The following KLF12 variants were observed in gnomAD, a reference collection of about 807,000 sequenced individuals.
The protein encoded by KLF12 is Krueppel-like factor 12.
Under a neutral mutation model 37.8 loss-of-function variants are expected in KLF12, and 9 were observed. That is an observed-to-expected ratio of 0.24 (90% CI 0.14 to 0.42). The LOEUF is 0.42. Ranked by LOEUF, KLF12 falls within the 10% of genes least tolerant of loss-of-function variation. KLF12 has a pLI of 1.00. For missense variants in KLF12, 411 were observed against 516.0 expected, an observed-to-expected ratio of 0.80 and a Z score of 1.97; for synonymous variants, 208 against 202.1, an observed-to-expected ratio of 1.03 and a Z score of -0.25.
the KLF12 span, among the ~76,000 whole-genome samples, chr13:74,272,064 A>AT: frequency 6.6e-6 from 1 of 152,072 alleles, no homozygotes. Context: ...TTATTTATTT[A>AT]TTTTTTGCTG....
At chr13:73,836,788 C>G (rs927768210) in intron 4 of KLF12, among the ~76,000 whole-genome samples, 1 of 152,016 alleles carries the variant, frequency 6.6e-6, no homozygotes. Context: ...TCAGAGAAAA[C>G]TTTTCAGGTT....
chr13:73,746,450 C>T (rs935079678), intron 6 of KLF12, among the ~76,000 whole-genome samples: 4 of 152,286 alleles, frequency 2.6e-5, no homozygotes, highest in Non-Finnish European at 4.4e-5. Context: ...CTTGAATTCT[C>T]TTCCAAAGAC....
the KLF12 span, among the ~76,000 whole-genome samples, chr13:74,260,284 A>C: frequency 6.6e-6 from 1 of 152,178 alleles, no homozygotes; most frequent in Admixed American, 6.5e-5. Context: ...GGCAGGATAC[A>C]ATGGCTTATA....
At chr13:73,858,472 A>G (rs1419284153) in intron 3 of KLF12, among the ~76,000 whole-genome samples, 3 of 152,196 alleles carry the variant, frequency 2.0e-5, no homozygotes, top group African/African-American at 7.2e-5. Context: ...GGAATCCCAA[A>G]CTGCTGCATT....
At chr13:73,804,431 C>CT (rs926290777) in intron 5 of KLF12, among the ~76,000 whole-genome samples, 48 of 148,554 alleles carry the variant, frequency 3.2e-4, no homozygotes, top group African/African-American at 6.7e-4. Flanking sequence ...CTTCATTATA[C>CT]TTTTTTTTTT....
chr13:74,265,008 C>A, the KLF12 span, among the ~76,000 whole-genome samples: 1 of 152,124 alleles, frequency 6.6e-6, no homozygotes, highest in Middle Eastern at 3.4e-3. Flanking sequence ...AAATTATTTA[C>A]AATAGTACCT....
intron 1 of KLF12, among the ~76,000 whole-genome samples, chr13:74,114,687 C>T (rs182533232): frequency 5.3e-5 from 8 of 152,226 alleles, no homozygotes; most frequent in Non-Finnish European, 7.4e-5. Context: ...AAGTTGTCAA[C>T]GTGGGTTCCA....
intron 1 of KLF12, among the ~76,000 whole-genome samples, chr13:74,062,704 T>C (rs1873672262): frequency 6.6e-6 from 1 of 152,236 alleles, no homozygotes; most frequent in Non-Finnish European, 1.5e-5. Context: ...TTTGTTTTGC[T>C]TGTAATCTCT....
chr13:74,262,233 T>C, the KLF12 span, among the ~76,000 whole-genome samples: 2 of 152,232 alleles, frequency 1.3e-5, no homozygotes, highest in Non-Finnish European at 2.9e-5. Context: ...ATTAGAAGTG[T>C]TGTTGATCTT....
At chr13:74,304,014 T>C in the KLF12 span, among the ~76,000 whole-genome samples, 2 of 151,962 alleles carry the variant, frequency 1.3e-5, no homozygotes, top group Non-Finnish European at 2.9e-5. Flanking sequence ...CCAAGCAGAT[T>C]CCTCCTAGGC....
rs537068682 is a variant in KLF12, at chr13:74,117,524, A to G, written c.-32+16215T>C. On this transcript the variant is annotated intron_variant, in intron 1 of 7. Transcript: ENST00000377669. ...TAATCTATAGAATTCTAAACATGAT[A>G]TGTAGTTATTCCTTAAGAGTAGGCA... Among the ~76,000 whole-genome samples, 8 of 152,322 alleles carry G rather than the reference A, an allele frequency of 5.3e-5. No individual in the cohort carries two copies. The East Asian group carries it at 1.5e-3, about 29-fold the overall frequency.
intron 1 of KLF12, among the ~76,000 whole-genome samples, chr13:74,030,056 A>T (rs1893075289): frequency 6.6e-6 from 1 of 152,150 alleles, no homozygotes; most frequent in South Asian, 2.1e-4. Flanking sequence ...ACATTAAAAA[A>T]TTTTTAAGTG....
intron 1 of KLF12, among the ~76,000 whole-genome samples, chr13:74,097,174 T>C (rs1237359864): frequency 1.3e-5 from 2 of 152,188 alleles, no homozygotes; most frequent in Non-Finnish European, 2.9e-5. Context: ...CGTTTAAAGA[T>C]AACAAAACAG....
In KLF12 at chr13:74,128,792, T is replaced by C. The variant is rs76152704; in HGVS notation, c.-32+4947A>G. ...GATAATTTCAAAGTGAGCACAGTATTACTAAAGATAGAATTTTTTTTAAAG... is the reference window on the plus strand; with the variant it reads ...GATAATTTCAAAGTGAGCACAGTATCACTAAAGATAGAATTTTTTTTAAAG... On this transcript the variant is annotated intron_variant, in intron 1 of 7. Coordinates refer to ENST00000377669, the MANE Select transcript of KLF12 (RefSeq NM_007249.5). 1.2e-3 allele frequency among the ~76,000 whole-genome samples: 177 copies of C among 152,302 alleles called. 3 individuals are homozygous for C. The East Asian group carries it at 0.032, about 27-fold the overall frequency.
At chr13:73,928,272 G>A (rs1171286268) in intron 3 of KLF12, among the ~76,000 whole-genome samples, 1 of 152,168 alleles carries the variant, frequency 6.6e-6, no homozygotes, top group Admixed American at 6.5e-5. Flanking sequence ...AAACCCTTTA[G>A]CTAAAGGTTA....
rs576529021 is a variant in KLF12, at chr13:73,917,138, CTGAT to C, written c.123+26839_123+26842del. Reference sequence around the variant, plus strand: ...TCAGCATGGATTATATACCAAGTGTCTGATTGGCCCTGCCTTAAAAGGAAACATT... The same window carrying C: ...TCAGCATGGATTATATACCAAGTGTCTGGCCCTGCCTTAAAAGGAAACATT... On this transcript the variant is annotated intron_variant, in intron 3 of 7. Transcript: ENST00000377669. Among the ~76,000 whole-genome samples, 16 of 152,280 alleles carry C rather than the reference CTGAT, an allele frequency of 1.1e-4. 1 individual carries two copies. The South Asian group carries it at 3.3e-3, about 32-fold the overall frequency.
At chr13:73,849,954 T>C (rs1229645334) in intron 3 of KLF12, among the ~76,000 whole-genome samples, 1 of 152,194 alleles carries the variant, frequency 6.6e-6, no homozygotes, top group Non-Finnish European at 1.5e-5. Context: ...ACATGAAGAT[T>C]GTATAAGAAC....
At chr13:74,079,582 G>A (rs919160317) in intron 1 of KLF12, among the ~76,000 whole-genome samples, 1 of 152,074 alleles carries the variant, frequency 6.6e-6, no homozygotes, top group Non-Finnish European at 1.5e-5. Flanking sequence ...TTTTTCAATG[G>A]ACTGGTGAGA....
At chr13:74,106,266 T>C (rs563313163) in intron 1 of KLF12, among the ~76,000 whole-genome samples, 1 of 152,354 alleles carries the variant, frequency 6.6e-6, no homozygotes, top group Non-Finnish European at 1.5e-5. Flanking sequence ...ATTCAACAGC[T>C]GTCTGTACCA....
Sources: allele counts gnomAD v4.1 joint callset (sites outside exome capture counted in the v4.1 genomes callset), GRCh38; gene constraint gnomAD v4.1.1; transcripts MANE v1.5; gene names NCBI Gene and HGNC (gene_info 2026-07-23, HGNC 2026-07-21).